The following ADAMTSL1 variants were observed in gnomAD, a reference collection of about 807,000 sequenced individuals.
The protein encoded by ADAMTSL1 is ADAMTS like 1.
ADAMTSL1 carries 126 observed loss-of-function variants against 201.8 expected under a neutral mutation model. That is an observed-to-expected ratio of 0.62 (90% confidence interval 0.54 to 0.72). The LOEUF is 0.72. ADAMTSL1 is among the 30% of genes least tolerant of loss of function. The probability of loss-of-function intolerance (pLI) is 0.00; values close to 1 mark genes in which losing one functional copy is unlikely to be tolerated. For missense variants in ADAMTSL1, 2,679 were observed against 2,277.8 expected (o/e 1.18, Z -3.59); for synonymous variants, 1,121 against 903.4 (o/e 1.24, Z -4.32).
chr9:18,671,784 C>T (rs1378692689), intron 9 of ADAMTSL1, among the ~76,000 whole-genome samples: 1 of 152,144 alleles, frequency 6.6e-6, no homozygotes, highest in East Asian at 1.9e-4. Context: ...GGTGTGGTGG[C>T]TCATGCCTGT....
chr9:18,630,500 G>A (rs898026439), intron 5 of ADAMTSL1, among the ~76,000 whole-genome samples: 31 of 152,064 alleles, frequency 2.0e-4, no homozygotes, highest in Admixed American at 5.9e-4. Context: ...AACTGTTTTT[G>A]TCTCCTTGGA....
intron 1 of ADAMTSL1, among the ~76,000 whole-genome samples, chr9:17,945,996 C>G (rs1827453221): frequency 6.6e-6 from 1 of 151,382 alleles, no homozygotes; most frequent in Admixed American, 6.6e-5. Flanking sequence ...AAATCTTCCA[C>G]CACATGTGAT....
At chr9:18,430,196 G>C (rs1232200052) in intron 2 of ADAMTSL1, among the ~76,000 whole-genome samples, 1 of 152,188 alleles carries the variant, frequency 6.6e-6, no homozygotes, top group Non-Finnish European at 1.5e-5. Context: ...CCAGAGTTGG[G>C]CCTGAGATTG....
intron 20 of ADAMTSL1, among the ~76,000 whole-genome samples, chr9:18,808,817 T>C (rs1286749041): frequency 2.0e-5 from 3 of 152,228 alleles, no homozygotes; most frequent in African/African-American, 7.2e-5. Context: ...AGGTCAAAGA[T>C]CTGGGCTCCA....
intron 2 of ADAMTSL1, among the ~76,000 whole-genome samples, chr9:18,343,626 A>G (rs1835568961): frequency 2.0e-5 from 3 of 152,144 alleles, no homozygotes; most frequent in African/African-American, 7.2e-5. Flanking sequence ...TCTCATGTCT[A>G]TGCCACAAGT....
chr9:18,412,923 G>A (rs1420971309), intron 2 of ADAMTSL1, among the ~76,000 whole-genome samples: 1 of 152,100 alleles, frequency 6.6e-6, no homozygotes, highest in Admixed American at 6.5e-5. Context: ...TATTTCGTAT[G>A]TGATTTTTGC....
chr9:18,267,643 T>C (rs940127204), intron 2 of ADAMTSL1, among the ~76,000 whole-genome samples: 7 of 152,072 alleles, frequency 4.6e-5, no homozygotes, highest in Admixed American at 2.0e-4. Context: ...ATAAGTGTTC[T>C]AATTGTAAAT....
intron 1 of ADAMTSL1, among the ~76,000 whole-genome samples, chr9:17,990,348 G>A (rs1819102553): frequency 6.6e-6 from 1 of 151,854 alleles, no homozygotes; most frequent in African/African-American, 2.4e-5. Context: ...ATCACTGAAG[G>A]TTTACATACT....
Position 18,866,314 on chromosome 9 carries a change from G to T in ADAMTSL1, c.4250-21517G>T, listed in dbSNP as rs1246099958. Among the ~76,000 whole-genome samples, 2 of 152,024 alleles carry T rather than the reference G, an allele frequency of 1.3e-5. 1 individual carries two copies. The highest frequency in any genetic ancestry group is 3.8e-4 in the East Asian group (2 of 5,196). On this transcript the variant is annotated intron_variant, in intron 23 of 28. Coordinates refer to ENST00000380548, the MANE Select transcript of ADAMTSL1 (RefSeq NM_001040272.6). ...CTGCTGGCAATCCATAGAGAGCACT[G>T]TGTACACACAGAGACATGCACATAA...
intron 19 of ADAMTSL1, among the ~76,000 whole-genome samples, chr9:18,793,799 C>T (rs1384513207): frequency 6.6e-6 from 1 of 152,152 alleles, no homozygotes; most frequent in East Asian, 1.9e-4. Context: ...TCCCTCCAAC[C>T]CTTCTAGATT....
intron 2 of ADAMTSL1, among the ~76,000 whole-genome samples, chr9:18,336,029 A>G (rs1835223104): frequency 6.6e-6 from 1 of 152,184 alleles, no homozygotes; most frequent in Admixed American, 6.6e-5. Context: ...ACAGTCTTAT[A>G]TGAAGATGAG....
chr9:18,885,458 G>T (rs556857780), intron 23 of ADAMTSL1, among the ~76,000 whole-genome samples: 3 of 152,268 alleles, frequency 2.0e-5, no homozygotes, highest in South Asian at 4.1e-4. Context: ...TGTTGTGAGT[G>T]AACTTGTTTT....
chr9:17,939,641 T>G (rs1827153657), intron 1 of ADAMTSL1, among the ~76,000 whole-genome samples: 1 of 152,162 alleles, frequency 6.6e-6, no homozygotes, highest in African/African-American at 2.4e-5. Context: ...GGGATTTTAA[T>G]TTTTTCAGCT....
At chr9:17,975,509 C>T (rs540083108) in intron 1 of ADAMTSL1, among the ~76,000 whole-genome samples, 1 of 152,108 alleles carries the variant, frequency 6.6e-6, no homozygotes, top group South Asian at 2.1e-4. Context: ...AGGGCTGAGC[C>T]TAATCATCTC....
intron 2 of ADAMTSL1, among the ~76,000 whole-genome samples, chr9:18,362,460 C>T (rs973854272): frequency 6.6e-6 from 1 of 152,164 alleles, no homozygotes; most frequent in African/African-American, 2.4e-5. Context: ...TCCATATATT[C>T]AACTTGGGTT....
intron 2 of ADAMTSL1, among the ~76,000 whole-genome samples, chr9:18,427,892 C>A (rs745825174): frequency 5.3e-5 from 8 of 152,330 alleles, no homozygotes; most frequent in South Asian, 4.1e-4. Context: ...TGTGTTCAAA[C>A]GGATGTGCTT....
At chr9:18,295,178 T>C (rs1833428426) in intron 2 of ADAMTSL1, among the ~76,000 whole-genome samples, 1 of 151,978 alleles carries the variant, frequency 6.6e-6, no homozygotes. Flanking sequence ...AACCCAAAAG[T>C]GATGAGTTCA....
At chr9:18,031,646 C>A (rs1285048043) in intron 1 of ADAMTSL1, among the ~76,000 whole-genome samples, 1 of 152,204 alleles carries the variant, frequency 6.6e-6, no homozygotes, top group East Asian at 1.9e-4. Flanking sequence ...TGCCCCCACC[C>A]ACCCTCCAAG....
At chr9:18,764,838 CTT>C (rs1820271304) in intron 16 of ADAMTSL1, among the ~76,000 whole-genome samples, 1 of 152,142 alleles carries the variant, frequency 6.6e-6, no homozygotes, top group African/African-American at 2.4e-5. Context: ...TTTTTTAAAA[CTT>C]TTCTTGCAGC....
Sources: allele counts gnomAD v4.1 joint callset (sites outside exome capture counted in the v4.1 genomes callset), GRCh38; gene constraint gnomAD v4.1.1; transcripts MANE v1.5; gene names NCBI Gene and HGNC (gene_info 2026-07-23, HGNC 2026-07-21).